The following IPO5 variants were observed in gnomAD, a reference collection of about 807,000 sequenced individuals.
IPO5 encodes importin 5.
Under a neutral mutation model 143.3 loss-of-function variants are expected in IPO5, and 18 were observed. The observed-to-expected ratio is 0.13, with a 90% confidence interval of 0.09 to 0.19. The LOEUF (loss-of-function observed/expected upper bound fraction) is 0.19, where lower values mean the gene tolerates loss of function less well. Among genes scored for constraint, IPO5 ranks in the 10% least tolerant of loss-of-function variants. The probability of loss-of-function intolerance (pLI) is 1.00; values close to 1 mark genes in which losing one functional copy is unlikely to be tolerated. For missense variants in IPO5, 1,013 were observed against 1,336.9 expected, an observed-to-expected ratio of 0.76 and a Z score of 3.78; for synonymous variants, 477 against 465.7, an observed-to-expected ratio of 1.02 and a Z score of -0.31.
At chr13:97,979,163 T>TA (rs1363197823) in intron 4 of IPO5, among the ~76,000 whole-genome samples, 1 of 152,172 alleles carries the variant, frequency 6.6e-6, no homozygotes, top group Admixed American at 6.6e-5. Context: ...TTAAGTCTGA[T>TA]ACAGCAAATA....
intron 21 of IPO5, among the ~76,000 whole-genome samples, chr13:98,012,581 G>A (rs1889794341): frequency 6.6e-6 from 1 of 152,106 alleles, no homozygotes; most frequent in Non-Finnish European, 1.5e-5. Flanking sequence ...CCCACTTAAG[G>A]ATTTAAGGAT....
chr13:97,985,683 A>C lies in IPO5; in HGVS notation c.364+70A>C, dbSNP rs540294664. ...CCTTCCTTTTTTTTTTTTTTAATGG[A>C]ATCTTTTAGAGTAAGATTCATAAGT... On this transcript the variant is annotated intron_variant, in intron 6 of 28. Coordinates refer to ENST00000651721, the MANE Select transcript of IPO5 (RefSeq NM_002271.6). 60 of 984,816 alleles carry C rather than the reference A, an allele frequency of 6.1e-5. 2 individuals carry two copies. In the South Asian group the frequency reaches 8.2e-4, roughly 13 times the overall value. The allele number at this position is 984,816 out of a possible 1,614,324, so 61.0% of individuals were successfully genotyped here. A position where few individuals can be genotyped will look rare whatever the true frequency, so the allele number is the denominator to read the frequency against.
At position 97,958,305 on chromosome 13, in the gene IPO5, A is replaced by G. The variant is rs114757025; in HGVS notation, c.-113+4107A>G. The stretch of plus-strand genomic sequence containing the variant: ...ACGTGGCTGTTTCCTGTGTCCCACA[A>G]AAGTGCCACGAAGGAAACCCAGCTC... On this transcript the variant is annotated intron_variant, in intron 2 of 28. Transcript: ENST00000651721. Among the ~76,000 whole-genome samples, 1,339 of 152,202 alleles carry G rather than the reference A, an allele frequency of 8.8e-3. 23 individuals carry two copies. The highest frequency in any genetic ancestry group is 0.03 in the African/African-American group (1,231 of 41,528).
intron 16 of IPO5, among the ~76,000 whole-genome samples, chr13:98,003,296 G>C (rs1197649271): frequency 2.6e-5 from 4 of 152,162 alleles, no homozygotes; most frequent in Non-Finnish European, 5.9e-5. Flanking sequence ...CTGAAAATAA[G>C]GCAGAGAAGT....
intron 9 of IPO5, among the ~76,000 whole-genome samples, chr13:97,992,546 G>A (rs985985983): frequency 3.9e-5 from 6 of 152,208 alleles, no homozygotes; most frequent in Admixed American, 2.6e-4. Context: ...GCGACAGAGC[G>A]AGACCTTATC....
At chr13:97,996,809 G>A (rs1888332030) in intron 11 of IPO5, among the ~76,000 whole-genome samples, 1 of 151,912 alleles carries the variant, frequency 6.6e-6, no homozygotes, top group African/African-American at 2.4e-5. Context: ...AGCCAGGATG[G>A]TCTCGATCTT....
chr13:97,985,921 A>T (rs1282874054), intron 6 of IPO5, among the ~76,000 whole-genome samples: 1 of 152,070 alleles, frequency 6.6e-6, no homozygotes, highest in Non-Finnish European at 1.5e-5. Flanking sequence ...CTAGCAGTTC[A>T]GGACGAACCT....
chr13:98,019,755 A>C lies in IPO5; in HGVS notation c.3011A>C (p.Glu1004Ala). 1 of 1,614,104 alleles carries C rather than the reference A, an allele frequency of 6.2e-7. No homozygotes were observed. The highest frequency in any genetic ancestry group is 8.5e-7 in the Non-Finnish European group (1 of 1,179,964). ...TGGTTGTCTTGGCTTCCACTACATG[A>C]AGATAAAGAAGAAGCTGTTCAGACT... ...PHWLSWLPLH[E>A]DKEEAVQTFN... The change falls in exon 27 of 29, where the codon GAA becomes GCA. Residue 1004 changes from glutamate (E) to alanine (A), a missense_variant. Transcript: ENST00000651721.
intron 2 of IPO5, among the ~76,000 whole-genome samples, chr13:97,967,824 C>G (rs1252384176): frequency 2.0e-5 from 3 of 152,094 alleles, no homozygotes; most frequent in Non-Finnish European, 2.9e-5. Flanking sequence ...GCAGAGACGG[C>G]GTTTCACCAT....
At chr13:97,989,220 C>T in intron 7 of IPO5, 56 bp downstream of exon 7, 2 of 867,894 alleles carry the variant, frequency 2.3e-6, no homozygotes, top group Non-Finnish European at 3.7e-6. Context: ...GCCCTAAACA[C>T]CTTTTAACTG....
At chr13:97,969,175 A>ATATATATATATATATATT (rs1234384302) in intron 2 of IPO5, among the ~76,000 whole-genome samples, 2 of 43,906 alleles carry the variant, frequency 4.6e-5, no homozygotes, top group Non-Finnish European at 8.0e-5. Context: ...ATATATATAT[A>ATATATATATATATATATT]TTTTTTTTTT....
chr13:97,997,608 G>C lies in IPO5; in HGVS notation c.991G>C (p.Asp331His). ...WANADELEDD[D>H]FDSNAVAGES... ...AAATGCAGATGAACTAGAAGATGAT[G>C]ATTTTGACAGGTAATCAAACATTGT... Residue 331 changes from aspartate to histidine, a missense_variant, in exon 12 of 29, where the codon GAT becomes CAT. Asp to His is a moderately conservative substitution (Grantham distance 81, BLOSUM62 -1). Around this residue, in one of 2 missense-constraint regions of IPO5, gnomAD observed 685 missense variants for 994.9 expected, o/e 0.69. Coordinates refer to ENST00000651721, the MANE Select transcript of IPO5 (RefSeq NM_002271.6). 7.5e-6 allele frequency: 12 copies of C among 1,603,464 alleles called. No homozygotes were observed. Among genetic ancestry groups the C allele is most frequent in the Non-Finnish European group, 9.4e-6 (11 of 1,170,946 alleles).
rs776169471 is a variant in IPO5 at position 97,959,171 on chromosome 13, C to CA, written c.-113+4986dup. Among the ~76,000 whole-genome samples, 429 of 126,558 alleles carry CA rather than the reference C, an allele frequency of 3.4e-3. 3 individuals carry two copies. The highest frequency in any genetic ancestry group is 0.02 in the Admixed American group (244 of 12,410). The allele number at this position is 126,558 out of a possible 152,430, so 83.0% of individuals were successfully genotyped here. The stretch of plus-strand genomic sequence containing the variant: ...TGGGTGACACAGCAAGACTGTGTCT[C>CA]AAAAAAAAAAAAAGAGAGAGAACAA... On this transcript the variant is annotated intron_variant, in intron 2 of 28. Coordinates refer to ENST00000651721, the MANE Select transcript of IPO5 (RefSeq NM_002271.6).
chr13:98,016,653 T>C, intron 24 of IPO5, 76 bp from the exon 25 acceptor site: 1 of 797,878 alleles, frequency 1.3e-6, no homozygotes, highest in Non-Finnish European at 1.8e-6. Flanking sequence ...TTTTAAGGTT[T>C]TTATAAATGT....
At chr13:98,002,821 G>A (rs751803315) in intron 15 of IPO5, 43 bp from the exon 16 acceptor site, 1 of 1,599,282 alleles carries the variant, frequency 6.3e-7, no homozygotes, top group Admixed American at 1.7e-5. Context: ...AGGAAGAAGG[G>A]TGGACATTTC....
chr13:98,012,925 C>T (rs1889837656), intron 21 of IPO5, among the ~76,000 whole-genome samples: 1 of 151,364 alleles, frequency 6.6e-6, no homozygotes, highest in Non-Finnish European at 1.5e-5. Flanking sequence ...GGATTACACA[C>T]CTGAGCACTG....
intron 14 of IPO5, 38 bp downstream of exon 14, chr13:98,002,629 G>T (rs1378844549): frequency 6.2e-7 from 1 of 1,608,358 alleles, no homozygotes; most frequent in African/African-American, 1.3e-5. Flanking sequence ...AATGATTAGT[G>T]TAGCTTCATG....
chr13:98,006,105 G>T (rs753614248), intron 16 of IPO5, 25 bp from the exon 17 acceptor site: 1 of 1,490,462 alleles, frequency 6.7e-7, no homozygotes, highest in Admixed American at 1.7e-5. Flanking sequence ...TTCCTTTGAG[G>T]TAATAATTTG....
At chr13:98,016,998 A>G in intron 25 of IPO5, 147 bp downstream of exon 25, 1 of 625,238 alleles carries the variant, frequency 1.6e-6, no homozygotes, top group Non-Finnish European at 2.6e-6. Context: ...AGTTGACTGC[A>G]TTACCCTGGA....
Sources: gnomAD v4.1 joint callset for allele counts (sites outside exome capture counted in the v4.1 genomes callset) on GRCh38, gnomAD v4.1.1 for gene constraint, gnomAD v4.1.1 regional missense constraint, MANE v1.5 for transcripts, NCBI Gene and HGNC (gene_info 2026-07-23, HGNC 2026-07-21) for gene names.